The following ENPP1 variants were observed in gnomAD, a reference collection of about 807,000 sequenced individuals.
ENPP1 encodes the protein ectonucleotide pyrophosphatase/phosphodiesterase family member 1.
In ENPP1, 73 loss-of-function variants were observed where a neutral mutation model predicts 122.8. That is an observed-to-expected ratio of 0.59 (90% CI 0.49 to 0.72). The LOEUF (loss-of-function observed/expected upper bound fraction) is 0.72, where lower values mean the gene tolerates loss of function less well. Among genes scored for constraint, ENPP1 ranks in the 30% least tolerant of loss-of-function variants. ENPP1 has a pLI of 0.00. For missense variants in ENPP1, 978 were observed against 1,128.1 expected (o/e 0.87, Z 1.91); for synonymous variants, 367 against 391.6 (o/e 0.94, Z 0.74).
chr6:131,825,650 G>A (rs1483252288), intron 1 of ENPP1, among the ~76,000 whole-genome samples: 3 of 152,142 alleles, frequency 2.0e-5, no homozygotes, highest in Admixed American at 6.5e-5. Flanking sequence ...TGATGAAAAT[G>A]TACATAGTAC....
chr6:131,872,803 G>A, intron 14 of ENPP1, 120 bp from the exon 15 acceptor site: 1 of 1,008,698 alleles, frequency 9.9e-7, no homozygotes, highest in Non-Finnish European at 1.4e-6. Flanking sequence ...AAGAAAAGTT[G>A]ACACTTTTTA....
In ENPP1 at chr6:131,875,764, C is replaced by G. The variant is rs368394246; in HGVS notation, c.1636-12C>G. Reference sequence around the variant, plus strand: ...GAAATGCACTGATAAACTTCCTTTTCTGGCCATCTAGGCCCTCTTTGTTGG... The same window carrying G: ...GAAATGCACTGATAAACTTCCTTTTGTGGCCATCTAGGCCCTCTTTGTTGG... On this transcript the variant is annotated splice_polypyrimidine_tract_variant and intron_variant, in intron 16 of 24. Coordinates refer to ENST00000647893, the MANE Select transcript of ENPP1 (RefSeq NM_006208.3). 1.7e-5 allele frequency: 27 copies of G among 1,611,146 alleles called. No individual in the cohort carries two copies. Among genetic ancestry groups the G allele is most frequent in the Non-Finnish European group, 2.3e-5 (27 of 1,177,420 alleles).
chr6:131,832,136 C>G (rs1020383988), intron 1 of ENPP1, among the ~76,000 whole-genome samples: 1 of 150,592 alleles, frequency 6.6e-6, no homozygotes, highest in Admixed American at 6.6e-5. Context: ...ACTTTCTGGC[C>G]CTACAGGATG....
At chr6:131,878,950 A>G (rs1398246400) in intron 19 of ENPP1, among the ~76,000 whole-genome samples, 1 of 152,186 alleles carries the variant, frequency 6.6e-6, no homozygotes, top group Non-Finnish European at 1.5e-5. Flanking sequence ...CTGGTTCTTA[A>G]TCATACAAGG....
chr6:131,867,927 C>CTTTTTTTTTTTTTTTTTTTTTTTT, intron 11 of ENPP1, 91 bp from the exon 12 acceptor site: 1 of 737,802 alleles, frequency 1.4e-6, no homozygotes, highest in South Asian at 1.6e-5. Flanking sequence ...TTGTTTCTTT[C>CTTTTTTTTTTTTTTTTTTTTTTTT]TTTTTTTTTT....
At chr6:131,844,975 A>C (rs1172209523) in intron 1 of ENPP1, among the ~76,000 whole-genome samples, 1 of 151,874 alleles carries the variant, frequency 6.6e-6, no homozygotes, top group Non-Finnish European at 1.5e-5. Flanking sequence ...GATAGATGAG[A>C]AGAAGGTAAG....
Position 131,861,696 on chromosome 6 carries a change from G to T in ENPP1, c.1017G>T (p.Met339Ile). ...GAATTTTCCCAGACATCTATAAAAT[G>T]TATAATGGGTATGTGAAATGAATTT... ...INGIFPDIYK[M>I]YNGSVPFEER... The change falls in exon 9 of 25, where the codon ATG becomes ATT. Residue 339 changes from methionine to isoleucine, a missense_variant. Met to Ile is a conservative substitution (Grantham distance 10, BLOSUM62 1). This residue lies in a region of ENPP1 where 644 missense variants were observed against 781.5 expected (regional missense o/e 0.82). Coordinates refer to ENST00000647893, the MANE Select transcript of ENPP1 (RefSeq NM_006208.3). 4.5e-6 allele frequency: 7 copies of T among 1,551,682 alleles called. No individual in the cohort carries two copies. Among genetic ancestry groups the T allele is most frequent in the Non-Finnish European group, 6.2e-6 (7 of 1,122,964 alleles).
chr6:131,852,063 A>G lies in ENPP1; in HGVS notation c.557-112A>G, dbSNP rs1781889472. 17 of 721,602 alleles carry G rather than the reference A, an allele frequency of 2.4e-5. 1 individual carries two copies. The South Asian group carries it at 2.5e-4, about 11-fold the overall frequency. 44.7% of individuals were successfully genotyped at this position (721,602 alleles called of 1,614,324 possible). ...TCCAGAGTCATGTCCTGTGTTATCT[A>G]TCAATCTGTTCACATACTTTGTTTT... On this transcript the variant is annotated intron_variant, in intron 4 of 24. Coordinates refer to ENST00000647893, the MANE Select transcript of ENPP1 (RefSeq NM_006208.3).
chr6:131,887,708 G>A (rs781628646), intron 24 of ENPP1, among the ~76,000 whole-genome samples: 3,284 of 140,668 alleles, frequency 0.023, 78 homozygotes, highest in African/African-American at 0.043. Flanking sequence ...ACAGGCGCCC[G>A]CCACCACACC....
In ENPP1 at chr6:131,828,410, T is replaced by C. The variant is rs1400235080; in HGVS notation, c.241-19366T>C. The C allele has an allele frequency of 8.7e-6, 3 of 345,848 alleles. No homozygotes were observed. In the East Asian group the frequency reaches 2.0e-4, roughly 24 times the overall value. The allele number at this position is 345,848 out of a possible 1,614,324, so 21.4% of individuals were successfully genotyped here. On this transcript the variant is annotated intron_variant, in intron 1 of 24. Transcript: ENST00000647893. ...AAACATTTTAGCTCGGTTAGTGTAATCATGACTTTCCCTTGTAGGAGGACA... is the reference window on the plus strand; with the variant it reads ...AAACATTTTAGCTCGGTTAGTGTAACCATGACTTTCCCTTGTAGGAGGACA...
rs541231095 is a variant in ENPP1, at chr6:131,823,304, C to A, written c.240+15029C>A. 2.6e-5 allele frequency among the ~76,000 whole-genome samples: 4 copies of A among 152,188 alleles called. No individual in the cohort carries two copies. In the East Asian group the frequency reaches 7.7e-4, roughly 29 times the overall value. ...ATCTGTTGGCTTGGGAGTGTCTGGC[C>A]TAGCTCCCATACCTCAGTGGGACTC... On this transcript the variant is annotated intron_variant, in intron 1 of 24. Coordinates refer to ENST00000647893, the MANE Select transcript of ENPP1 (RefSeq NM_006208.3).
chr6:131,855,236 C>T (rs1018206109), intron 6 of ENPP1, among the ~76,000 whole-genome samples: 2 of 152,118 alleles, frequency 1.3e-5, no homozygotes, highest in Admixed American at 6.6e-5. Context: ...TAGTTATCTT[C>T]GAATTTTAAC....
In ENPP1 at chr6:131,882,368, C is replaced by A. The variant is rs140521704; in HGVS notation, c.2124C>A (p.Phe708Leu). The A allele has an allele frequency of 1.5e-3, 2,338 of 1,604,550 alleles. 48 individuals are homozygous for A. In the Admixed American group the frequency reaches 0.036, roughly 24 times the overall value. Reference protein sequence around the residue: ...DRNDSFSTEDFSNCLYQDFRI... With the variant: ...DRNDSFSTEDLSNCLYQDFRI... ...AGGACAGTTTCTCTACGGAAGACTT[C>A]TCCAACTGTCTGTACCAGGACTTTA... Residue 708 changes from phenylalanine to leucine, a missense_variant, in exon 21 of 25, where the codon TTC becomes TTA. Coordinates refer to ENST00000647893, the MANE Select transcript of ENPP1 (RefSeq NM_006208.3).
chr6:131,860,069 C>A (rs1382532340), intron 7 of ENPP1, among the ~76,000 whole-genome samples: 3 of 152,178 alleles, frequency 2.0e-5, no homozygotes, highest in Admixed American at 2.0e-4. Flanking sequence ...TCGTGATCCG[C>A]CTGCCTCAGC....
intron 1 of ENPP1, among the ~76,000 whole-genome samples, chr6:131,839,168 T>C (rs1781711273): frequency 1.3e-5 from 2 of 152,206 alleles, no homozygotes; most frequent in Non-Finnish European, 2.9e-5. Flanking sequence ...GTATGAGCCT[T>C]CTTCTATGAT....
intron 1 of ENPP1, chr6:131,828,209 C>A: frequency 3.5e-6 from 2 of 567,602 alleles, no homozygotes. Flanking sequence ...TCAGGATGTT[C>A]CAAGGCATGG....
intron 9 of ENPP1, among the ~76,000 whole-genome samples, chr6:131,862,003 T>A (rs1357525759): frequency 6.6e-6 from 1 of 151,996 alleles, no homozygotes; most frequent in Non-Finnish European, 1.5e-5. Context: ...ACCCCGTCTC[T>A]ACTAAAAATA....
At chr6:131,855,755 C>G (rs1781938589) in intron 6 of ENPP1, among the ~76,000 whole-genome samples, 1 of 150,018 alleles carries the variant, frequency 6.7e-6, no homozygotes, top group Non-Finnish European at 1.5e-5. Context: ...TTGGACTCTT[C>G]CTTTTTTTTT....
chr6:131,840,804 A>G (rs1055799448), intron 1 of ENPP1, among the ~76,000 whole-genome samples: 7 of 152,202 alleles, frequency 4.6e-5, no homozygotes, highest in South Asian at 2.1e-4. Context: ...TATTTGTTCA[A>G]TGCTGAATAA....
Sources: allele counts gnomAD v4.1 joint callset (sites outside exome capture counted in the v4.1 genomes callset), GRCh38; gene constraint gnomAD v4.1.1; regional missense constraint gnomAD v4.1.1; transcripts MANE v1.5; gene names NCBI Gene and HGNC (gene_info 2026-07-23, HGNC 2026-07-21).